Variants in BMPER observed in about 807,000 individuals in gnomAD.
The protein encoded by BMPER is BMP-binding endothelial regulator protein.
A neutral mutation model predicts 87.3 loss-of-function variants in BMPER; 45 were observed. The ratio of observed to expected loss-of-function variants is 0.52; its 90% confidence interval spans 0.41 to 0.66. The LOEUF (loss-of-function observed/expected upper bound fraction) is 0.66, where lower values mean the gene tolerates loss of function less well. BMPER is among the 30% of genes least tolerant of loss of function. BMPER has a pLI of 0.00. For missense variants in BMPER, 784 were observed against 867.5 expected, an observed-to-expected ratio of 0.90 and a Z score of 1.21; for synonymous variants, 326 against 316.2, an observed-to-expected ratio of 1.03 and a Z score of -0.33.
chr7:34,032,813 T>C (rs1787564056), intron 6 of BMPER, among the ~76,000 whole-genome samples: 1 of 152,186 alleles, frequency 6.6e-6, no homozygotes, highest in African/African-American at 2.4e-5. Flanking sequence ...TACCATGGCA[T>C]GTTTTATTAG....
At chr7:33,988,240 A>T (rs1348288016) in intron 6 of BMPER, among the ~76,000 whole-genome samples, 1 of 152,190 alleles carries the variant, frequency 6.6e-6, no homozygotes, top group African/African-American at 2.4e-5. Flanking sequence ...GGCAAATGCT[A>T]GGAGTGACTC....
At chr7:33,981,453 G>A (rs1205845311) in intron 6 of BMPER, among the ~76,000 whole-genome samples, 1 of 152,158 alleles carries the variant, frequency 6.6e-6, no homozygotes, top group East Asian at 1.9e-4. Context: ...TGATTCCCAA[G>A]ACCAGATCAC....
intron 13 of BMPER, among the ~76,000 whole-genome samples, chr7:34,129,630 GAGAA>G (rs10527738): frequency 5.9e-4 from 33 of 56,306 alleles, no homozygotes; most frequent in Admixed American, 1.2e-3. Flanking sequence ...GAGAGAAAGA[GAGAA>G]AGAAAGAAAG....
chr7:33,906,918 C>A lies in BMPER; in HGVS notation c.219+15C>A. 1 of 1,598,376 alleles carries A rather than the reference C, an allele frequency of 6.3e-7. No individual in the cohort carries two copies. The highest frequency in any genetic ancestry group is 8.6e-7 in the Non-Finnish European group (1 of 1,166,078). ...GTGTCTGCTTGGTAAGTGTGGAGAT[C>A]AGGTAATATGAACTCAACTGCTCTC... is the stretch of plus-strand genomic sequence containing the variant. On this transcript the variant is annotated intron_variant, in intron 2 of 14. Coordinates refer to ENST00000649409, the MANE Select transcript of BMPER (RefSeq NM_001365308.1).
At chr7:34,130,783 G>A (rs1790563919) in intron 13 of BMPER, among the ~76,000 whole-genome samples, 1 of 152,132 alleles carries the variant, frequency 6.6e-6, no homozygotes, top group African/African-American at 2.4e-5. Flanking sequence ...AACCTTCCCT[G>A]AGAAAGCTAC....
At chr7:34,053,629 T>TA (rs1788202663) in intron 8 of BMPER, among the ~76,000 whole-genome samples, 1 of 152,200 alleles carries the variant, frequency 6.6e-6, no homozygotes, top group East Asian at 1.9e-4. Context: ...AAATGTTATT[T>TA]AAAAAATCAT....
intron 13 of BMPER, among the ~76,000 whole-genome samples, chr7:34,115,429 G>A (rs1485790303): frequency 2.0e-5 from 3 of 152,162 alleles, no homozygotes; most frequent in African/African-American, 7.2e-5. Context: ...ATATAAAATT[G>A]ATTGTCAGTT....
At chr7:34,148,594 AAG>A (rs1297839914) in intron 14 of BMPER, among the ~76,000 whole-genome samples, 2 of 152,148 alleles carry the variant, frequency 1.3e-5, no homozygotes, top group Non-Finnish European at 2.9e-5. Context: ...AGGATCATAC[AAG>A]AGAGAGAGAT....
intron 13 of BMPER, among the ~76,000 whole-genome samples, chr7:34,113,901 C>G (rs1165943491): frequency 6.6e-6 from 1 of 152,112 alleles, no homozygotes; most frequent in Non-Finnish European, 1.5e-5. Flanking sequence ...GTTTCTATCT[C>G]TTGTCTTTTT....
chr7:34,056,911 C>T (rs770951322), intron 9 of BMPER, among the ~76,000 whole-genome samples: 11 of 152,252 alleles, frequency 7.2e-5, no homozygotes, highest in South Asian at 4.1e-4. Context: ...CCACCGCGCC[C>T]GGCTGCAATA....
chr7:34,006,062 G>C (rs1786725018), intron 6 of BMPER, among the ~76,000 whole-genome samples: 1 of 151,892 alleles, frequency 6.6e-6, no homozygotes, highest in African/African-American at 2.4e-5. Flanking sequence ...CTGCATGCTT[G>C]ACAACTCTAG....
intron 3 of BMPER, among the ~76,000 whole-genome samples, chr7:33,960,452 C>T (rs1023885612): frequency 3.3e-5 from 5 of 152,076 alleles, no homozygotes; most frequent in Admixed American, 6.6e-5. Context: ...TGACCAAGTC[C>T]AGGGGAGCAG....
Position 34,156,168 on chromosome 7 carries a change from G to A in BMPER, c.*2895G>A, listed in dbSNP as rs537426878. On this transcript the variant is annotated 3_prime_UTR_variant, in exon 15 of 15. Coordinates refer to ENST00000649409, the MANE Select transcript of BMPER (RefSeq NM_001365308.1). Reference sequence around the variant, plus strand: ...TGACCATCAGACCGTCCTGTAAGAGGGCATCTTTCAATAAGAACGAGAAAG... The same window carrying A: ...TGACCATCAGACCGTCCTGTAAGAGAGCATCTTTCAATAAGAACGAGAAAG... Among the ~76,000 whole-genome samples the A allele has an allele frequency of 6.6e-6, 1 of 152,206 alleles. No homozygotes were observed. The highest frequency in any genetic ancestry group is 2.1e-4 in the South Asian group (1 of 4,824).
At chr7:34,129,644 G>GAAAGAAAGAAAGA (rs1562762189) in intron 13 of BMPER, among the ~76,000 whole-genome samples, 1 of 149,510 alleles carries the variant, frequency 6.7e-6, no homozygotes, top group East Asian at 2.0e-4. Flanking sequence ...AAGAAAGAAA[G>GAAAGAAAGAAAGA]AAAGAAAGAA....
At chr7:34,001,160 T>G (rs970118572) in intron 6 of BMPER, among the ~76,000 whole-genome samples, 2 of 151,958 alleles carry the variant, frequency 1.3e-5, no homozygotes, top group Non-Finnish European at 2.9e-5. Context: ...TTGTTTTTTT[T>G]GTATCAGGTT....
chr7:34,089,161 C>A (rs1375596532), intron 13 of BMPER, among the ~76,000 whole-genome samples: 1 of 152,040 alleles, frequency 6.6e-6, no homozygotes, highest in Non-Finnish European at 1.5e-5. Context: ...TGAGCCCTTA[C>A]AAGACTCAAA....
At chr7:33,967,187 T>C (rs2128617859) in intron 4 of BMPER, among the ~76,000 whole-genome samples, 1 of 152,242 alleles carries the variant, frequency 6.6e-6, no homozygotes, top group South Asian at 2.1e-4. Context: ...ATTTTCAAAC[T>C]CCTCCTTTAA....
chr7:34,023,354 C>G (rs1443019022), intron 6 of BMPER, among the ~76,000 whole-genome samples: 5 of 152,054 alleles, frequency 3.3e-5, no homozygotes. Flanking sequence ...ATTTAGCTTA[C>G]TCAGTGTGGG....
intron 6 of BMPER, among the ~76,000 whole-genome samples, chr7:34,041,050 C>T (rs375358568): frequency 3.9e-5 from 6 of 152,156 alleles, no homozygotes; most frequent in African/African-American, 1.2e-4. Flanking sequence ...TTCTGGCCAT[C>T]GCTTTGATTA....
Sources: allele counts gnomAD v4.1 joint callset (sites outside exome capture counted in the v4.1 genomes callset), GRCh38; gene constraint gnomAD v4.1.1; transcripts MANE v1.5; gene names NCBI Gene and HGNC (gene_info 2026-07-23, HGNC 2026-07-21).